The following CCDC57 variants were observed in gnomAD, a reference collection of about 807,000 sequenced individuals.
CCDC57 encodes the protein coiled-coil domain-containing protein 57.
In CCDC57, 118 loss-of-function variants were observed where a neutral mutation model predicts 118.9. The observed-to-expected ratio is 0.99, with a 90% CI of 0.86 to 1.16. CCDC57 has a LOEUF of 1.16. CCDC57 is among the 50% of genes most tolerant of loss of function. CCDC57 has a pLI of 0.00. For synonymous variants in CCDC57, 527 were observed against 532.9 expected (o/e 0.99, Z 0.15); for missense variants, 1,300 against 1,320.7 (o/e 0.98, Z 0.24).
intron 19 of CCDC57, among the ~76,000 whole-genome samples, chr17:82,121,819 T>C (rs1320711737): frequency 6.6e-6 from 1 of 152,202 alleles, no homozygotes; most frequent in Non-Finnish European, 1.5e-5. Context: ...GTGAGGCGTG[T>C]CATTTTCCAC....
intron 17 of CCDC57, among the ~76,000 whole-genome samples, chr17:82,132,109 A>G (rs1163396897): frequency 8.4e-4 from 112 of 132,956 alleles, no homozygotes; most frequent in African/African-American, 3.2e-3. Flanking sequence ...ACAGAGCGAG[A>G]CTCTGTCTCA....
At chr17:82,180,548 T>G (rs2046077596) in intron 9 of CCDC57, among the ~76,000 whole-genome samples, 1 of 152,212 alleles carries the variant, frequency 6.6e-6, no homozygotes, top group South Asian at 2.1e-4. Flanking sequence ...TGATGTTGGC[T>G]TAGTACAGCC....
intron 8 of CCDC57, among the ~76,000 whole-genome samples, chr17:82,187,537 TC>T (rs1167485416): frequency 3.8e-5 from 2 of 52,286 alleles, no homozygotes; most frequent in African/African-American, 8.3e-5. Flanking sequence ...CTGGTGGGGC[TC>T]GGGGGGAGCT....
At chr17:82,115,408 T>G (rs944465760) in intron 19 of CCDC57, among the ~76,000 whole-genome samples, 9 of 152,204 alleles carry the variant, frequency 5.9e-5, no homozygotes, top group African/African-American at 2.2e-4. Flanking sequence ...AGAAATGCTC[T>G]AATTCTACAA....
intron 19 of CCDC57, among the ~76,000 whole-genome samples, chr17:82,121,133 C>T (rs959860842): frequency 2.4e-4 from 37 of 152,290 alleles, no homozygotes; most frequent in Admixed American, 3.9e-4. Context: ...CGCCTGTAAT[C>T]CCAGCTACTC....
intron 15 of CCDC57, chr17:82,154,875 C>T (rs1250483967): frequency 3.3e-5 from 5 of 152,442 alleles, no homozygotes; most frequent in African/African-American, 9.6e-5. Context: ...CAGGGTCCCA[C>T]CTGGCATTTC....
intron 18 of CCDC57, among the ~76,000 whole-genome samples, chr17:82,128,292 C>T (rs2037774353): frequency 6.6e-6 from 1 of 152,260 alleles, no homozygotes; most frequent in Non-Finnish European, 1.5e-5. Context: ...CGGGGCCCTC[C>T]TAACACTCTT....
At chr17:82,178,361 A>G (rs982619950) in intron 11 of CCDC57, 113 bp downstream of exon 10, 1 of 1,290,796 alleles carries the variant, frequency 7.7e-7, no homozygotes, top group Admixed American at 3.0e-5. Context: ...GTCATTTAAA[A>G]AGAACACAAC....
intron 15 of CCDC57, chr17:82,156,647 A>G (rs1194761290): frequency 1.3e-5 from 2 of 152,286 alleles, no homozygotes; most frequent in African/African-American, 4.8e-5. Flanking sequence ...GGGCAGGTGC[A>G]GCTCAATATC....
At chr17:82,104,281 G>A (rs1017506622) in intron 19 of CCDC57, among the ~76,000 whole-genome samples, 10 of 152,244 alleles carry the variant, frequency 6.6e-5, no homozygotes, top group Non-Finnish European at 1.0e-4. Flanking sequence ...AGTTTGCCGG[G>A]CACAGCGTGA....
At chr17:82,196,150 T>C (rs1432082844) in intron 4 of CCDC57, among the ~76,000 whole-genome samples, 1 of 152,130 alleles carries the variant, frequency 6.6e-6, no homozygotes, top group East Asian at 1.9e-4. Context: ...CCCCAGATGC[T>C]GCCAAGAGCC....
chr17:82,124,853 A>G (rs2037203843), intron 19 of CCDC57, among the ~76,000 whole-genome samples: 2 of 152,204 alleles, frequency 1.3e-5, no homozygotes, highest in Admixed American at 1.3e-4. Flanking sequence ...AAGTGCTCCA[A>G]GAGAAAAGGA....
chr17:82,165,729 C>T (rs959807264), intron 13 of CCDC57, among the ~76,000 whole-genome samples: 9 of 152,162 alleles, frequency 5.9e-5, no homozygotes, highest in African/African-American at 1.9e-4. Context: ...ATCCACAGAA[C>T]CAGCACAGCA....
At chr17:82,145,870 A>G in intron 16 of CCDC57, 1 of 453,492 alleles carries the variant, frequency 2.2e-6, no homozygotes, top group Non-Finnish European at 4.6e-6. Context: ...TTGGCTCCAC[A>G]GTCTGAATGG....
chr17:82,179,840 G>A (rs2045983007), intron 9 of CCDC57, among the ~76,000 whole-genome samples: 1 of 152,328 alleles, frequency 6.6e-6, no homozygotes, highest in Admixed American at 6.5e-5. Context: ...AAGGGGAAAC[G>A]TTATAGTATG....
chr17:82,129,271 T>C (rs748557542), intron 17 of CCDC57, among the ~76,000 whole-genome samples: 21 of 152,104 alleles, frequency 1.4e-4, no homozygotes, highest in Non-Finnish European at 2.4e-4. Flanking sequence ...CCATGCCTGA[T>C]GTCTCCCCCC....
At chr17:82,113,321 G>A (rs773281847) in intron 19 of CCDC57, 7 of 691,478 alleles carry the variant, frequency 1.0e-5, no homozygotes, top group Non-Finnish European at 1.6e-5. Flanking sequence ...GTGACAAGGT[G>A]CTGTGGGGCT....
At chr17:82,123,423 G>A (rs528302235) in intron 19 of CCDC57, among the ~76,000 whole-genome samples, 8 of 151,156 alleles carry the variant, frequency 5.3e-5, no homozygotes, top group East Asian at 3.9e-4. Flanking sequence ...GCCACCGCCC[G>A]GCCTATAGCA....
intron 16 of CCDC57, among the ~76,000 whole-genome samples, chr17:82,144,197 C>A (rs1458279281): frequency 6.6e-6 from 1 of 152,046 alleles, no homozygotes; most frequent in African/African-American, 2.4e-5. Context: ...GTAGTCCCAG[C>A]TACTTGGGAG....
Sources: gnomAD v4.1 joint callset for allele counts (sites outside exome capture counted in the v4.1 genomes callset) on GRCh38, gnomAD v4.1.1 for gene constraint, MANE v1.5 for transcripts, NCBI Gene and HGNC (gene_info 2026-07-23, HGNC 2026-07-21) for gene names.